TMEM132C: variants seen among roughly 807,000 people sequenced by gnomAD.
TMEM132C encodes protein phosphatase 1, regulatory subunit 152.
In TMEM132C, 29 loss-of-function variants were observed where a neutral mutation model predicts 61.4. That is an observed-to-expected ratio of 0.47 (90% CI 0.35 to 0.64). The LOEUF is 0.64. TMEM132C is among the 30% of genes least tolerant of loss of function. TMEM132C has a pLI of 0.00. For synonymous variants in TMEM132C, 656 were observed against 633.1 expected (o/e 1.04, Z -0.54); for missense variants, 1,408 against 1,476.9 (o/e 0.95, Z 0.76).
intron 3 of TMEM132C, among the ~76,000 whole-genome samples, chr12:128,612,400 A>AT (rs922218126): frequency 2.7e-4 from 41 of 151,760 alleles, no homozygotes; most frequent in East Asian, 1.9e-3. Flanking sequence ...TGAAACTTGT[A>AT]TTTTTTTTTC....
Position 128,597,709 on chromosome 12 carries a change from G to C in TMEM132C, c.1122-18443G>C, listed in dbSNP as rs144039934. On this transcript the variant is annotated intron_variant, in intron 3 of 8. Transcript: ENST00000435159. ...TGCTTACATCTTACCAGAGAAGATA[G>C]AAAATGAACAAAGGAAAACCAAACA... Among the ~76,000 whole-genome samples the C allele has an allele frequency of 1.5e-4, 23 of 152,322 alleles. No individual in the cohort carries two copies. The East Asian group carries it at 3.1e-3, about 20-fold the overall frequency.
At chr12:128,590,822 G>A (rs577104843) in intron 3 of TMEM132C, among the ~76,000 whole-genome samples, 1 of 152,270 alleles carries the variant, frequency 6.6e-6, no homozygotes, top group East Asian at 1.9e-4. Context: ...CTGTCACCAG[G>A]CTGGAGTACA....
At chr12:128,616,412 G>T in intron 4 of TMEM132C, 77 bp downstream of exon 4, 1 of 1,383,444 alleles carries the variant, frequency 7.2e-7, no homozygotes, top group East Asian at 2.5e-5. Flanking sequence ...TCTGTCATGG[G>T]ATGTTTGCTA....
At chr12:128,675,399 A>G (rs913015431) in intron 5 of TMEM132C, among the ~76,000 whole-genome samples, 9 of 152,358 alleles carry the variant, frequency 5.9e-5, no homozygotes, top group African/African-American at 1.4e-4. Flanking sequence ...CAACTTGTAC[A>G]TGGCAGAGAA....
At chr12:128,544,776 G>A (rs1410613656) in intron 3 of TMEM132C, among the ~76,000 whole-genome samples, 1 of 152,068 alleles carries the variant, frequency 6.6e-6, no homozygotes, top group African/African-American at 2.4e-5. Flanking sequence ...TACAAATTTG[G>A]GATCATCAAA....
intron 1 of TMEM132C, among the ~76,000 whole-genome samples, chr12:128,314,659 G>C (rs187044459): frequency 4.5e-4 from 69 of 152,276 alleles, no homozygotes; most frequent in African/African-American, 1.6e-3. Flanking sequence ...AGGAGACAGA[G>C]ACACACAGAA....
chr12:128,491,398 G>A (rs903176310), intron 2 of TMEM132C, among the ~76,000 whole-genome samples: 7 of 152,158 alleles, frequency 4.6e-5, no homozygotes, highest in Non-Finnish European at 1.0e-4. Flanking sequence ...TGGTCAGCAC[G>A]GAGCAGCACA....
intron 2 of TMEM132C, among the ~76,000 whole-genome samples, chr12:128,495,787 A>T (rs1027225252): frequency 6.6e-6 from 1 of 152,070 alleles, no homozygotes; most frequent in East Asian, 1.9e-4. Flanking sequence ...TCTTTATCCA[A>T]TTTGCCAGTC....
chr12:128,381,640 A>G (rs1347724454), intron 1 of TMEM132C, among the ~76,000 whole-genome samples: 1 of 152,160 alleles, frequency 6.6e-6, no homozygotes, highest in African/African-American at 2.4e-5. Context: ...TGCTCTGAAG[A>G]TGCCATCGGA....
chr12:128,419,575 GTTT>G (rs72349303), intron 2 of TMEM132C, among the ~76,000 whole-genome samples: 49,057 of 136,130 alleles, frequency 0.36, 9,423 homozygotes, highest in Middle Eastern at 0.48. Context: ...TACTAATCTT[GTTT>G]TTTTTTTTTT....
At chr12:128,490,118 A>C (rs1185924747) in intron 2 of TMEM132C, among the ~76,000 whole-genome samples, 1 of 152,170 alleles carries the variant, frequency 6.6e-6, no homozygotes, top group Non-Finnish European at 1.5e-5. Flanking sequence ...GGAGGCTAGC[A>C]AGGGAGGTGA....
intron 8 of TMEM132C, among the ~76,000 whole-genome samples, chr12:128,704,219 T>A (rs1458299208): frequency 2.0e-5 from 3 of 152,196 alleles, no homozygotes; most frequent in Admixed American, 6.5e-5. Context: ...GACATTACTT[T>A]GAGTAAAATA....
At chr12:128,340,055 C>A (rs1872907593) in intron 1 of TMEM132C, among the ~76,000 whole-genome samples, 4 of 152,190 alleles carry the variant, frequency 2.6e-5, no homozygotes, top group Admixed American at 2.6e-4. Flanking sequence ...TATGTCCCTT[C>A]CCATATTTAC....
intron 1 of TMEM132C, among the ~76,000 whole-genome samples, chr12:128,285,733 C>T (rs1207223984): frequency 1.5e-5 from 2 of 130,016 alleles, no homozygotes; most frequent in Admixed American, 7.4e-5. Flanking sequence ...CTCTCTCTCT[C>T]TCTCCCCATC....
chr12:128,612,650 C>G (rs183579652), intron 3 of TMEM132C, among the ~76,000 whole-genome samples: 1 of 152,320 alleles, frequency 6.6e-6, no homozygotes, highest in Admixed American at 6.5e-5. Flanking sequence ...GGAATAAGGT[C>G]TGCGTGGAAC....
At chr12:128,509,171 T>C (rs1872489285) in intron 2 of TMEM132C, among the ~76,000 whole-genome samples, 1 of 152,084 alleles carries the variant, frequency 6.6e-6, no homozygotes, top group South Asian at 2.1e-4. Context: ...CCTCCATTGA[T>C]TTTGAGGTTT....
intron 2 of TMEM132C, among the ~76,000 whole-genome samples, chr12:128,454,136 C>T (rs772451360): frequency 1.4e-4 from 21 of 152,146 alleles, no homozygotes; most frequent in Non-Finnish European, 2.5e-4. Context: ...TCGTGAGCTC[C>T]TTGGGAAGGT....
At chr12:128,469,694 A>G (rs533373531) in intron 2 of TMEM132C, among the ~76,000 whole-genome samples, 2 of 150,096 alleles carry the variant, frequency 1.3e-5, no homozygotes, top group Non-Finnish European at 3.0e-5. Context: ...ATGTGTGTGT[A>G]TGTATATATA....
chr12:128,344,480 G>T (rs1027923787), intron 1 of TMEM132C, among the ~76,000 whole-genome samples: 8 of 152,098 alleles, frequency 5.3e-5, no homozygotes, highest in Admixed American at 5.2e-4. Context: ...TGTCTTTTGG[G>T]TATAGTCCTA....
Sources: gnomAD v4.1 joint callset for allele counts (sites outside exome capture counted in the v4.1 genomes callset) on GRCh38, gnomAD v4.1.1 for gene constraint, MANE v1.5 for transcripts, NCBI Gene and HGNC (gene_info 2026-07-23, HGNC 2026-07-21) for gene names.